ENTREP2: variants seen among roughly 807,000 people sequenced by gnomAD.
The protein encoded by ENTREP2 is protein ENTREP2.
the ENTREP2 span, among the ~76,000 whole-genome samples, chr15:29,566,444 G>A: frequency 1.3e-5 from 2 of 150,636 alleles, no homozygotes; most frequent in Admixed American, 1.3e-4. Context: ...GATTACAGGC[G>A]TGACCCACCG....
At chr15:29,643,549 G>A in the ENTREP2 span, among the ~76,000 whole-genome samples, 1 of 152,128 alleles carries the variant, frequency 6.6e-6, no homozygotes, top group Non-Finnish European at 1.5e-5. Flanking sequence ...TTGGGAGGCG[G>A]AAGCAGGTGG....
chr15:29,129,046 C>A, the ENTREP2 span, among the ~76,000 whole-genome samples: 1 of 152,168 alleles, frequency 6.6e-6, no homozygotes, highest in African/African-American at 2.4e-5. Flanking sequence ...GTTGCCCTTG[C>A]CAAGGCCAAA....
chr15:29,352,190 C>A, the ENTREP2 span, among the ~76,000 whole-genome samples: 56 of 152,108 alleles, frequency 3.7e-4, 1 homozygote, highest in African/African-American at 1.3e-3. Flanking sequence ...CTGCCTTGGC[C>A]TCCCAAAGCA....
chr15:29,508,815 G>A, the ENTREP2 span, among the ~76,000 whole-genome samples: 12 of 152,248 alleles, frequency 7.9e-5, no homozygotes, highest in South Asian at 2.1e-4. Flanking sequence ...GGCAAAAGCC[G>A]GAAGCATTCC....
chr15:29,289,548 A>T, the ENTREP2 span, among the ~76,000 whole-genome samples: 1 of 152,118 alleles, frequency 6.6e-6, no homozygotes, highest in Non-Finnish European at 1.5e-5. Flanking sequence ...AGAGTGCACA[A>T]AAAGATTTGA....
the ENTREP2 span, among the ~76,000 whole-genome samples, chr15:29,210,241 AACTGGGGGCTAC>A: frequency 1.3e-5 from 2 of 152,164 alleles, no homozygotes; most frequent in African/African-American, 4.8e-5. Context: ...GGTACTAGAC[AACTGGGGGCTAC>A]TCCTACAGCC....
chr15:29,181,840 A>G, the ENTREP2 span, among the ~76,000 whole-genome samples: 1 of 152,210 alleles, frequency 6.6e-6, no homozygotes, highest in African/African-American at 2.4e-5. Context: ...TCTGGCAAAT[A>G]ATATTTAGTA....
the ENTREP2 span, among the ~76,000 whole-genome samples, chr15:29,657,370 T>C: frequency 4.0e-5 from 6 of 148,986 alleles, no homozygotes; most frequent in Admixed American, 6.9e-5. Context: ...TTACAGTTCT[T>C]ACAAATGGCA....
chr15:29,576,225 T>C, the ENTREP2 span, among the ~76,000 whole-genome samples: 1 of 152,218 alleles, frequency 6.6e-6, no homozygotes, highest in Non-Finnish European at 1.5e-5. Context: ...GTTCATTCAA[T>C]GGGAGAAAGA....
the ENTREP2 span, among the ~76,000 whole-genome samples, chr15:29,447,104 A>T: frequency 4.6e-5 from 7 of 152,230 alleles, no homozygotes; most frequent in African/African-American, 1.4e-4. Flanking sequence ...GCCAACCACA[A>T]ATTCTTACAG....
chr15:29,530,857 G>A, the ENTREP2 span, among the ~76,000 whole-genome samples: 1 of 152,314 alleles, frequency 6.6e-6, no homozygotes, highest in Admixed American at 6.5e-5. Context: ...ATCTGACAGA[G>A]TTCCAACCAC....
the ENTREP2 span, among the ~76,000 whole-genome samples, chr15:29,599,797 A>G: frequency 1.3e-5 from 2 of 152,332 alleles, no homozygotes; most frequent in African/African-American, 4.8e-5. Flanking sequence ...CTTCATATTA[A>G]GCCAAGATTT....
the ENTREP2 span, among the ~76,000 whole-genome samples, chr15:29,396,567 G>T: frequency 8.5e-5 from 13 of 152,230 alleles, no homozygotes; most frequent in Middle Eastern, 0.01. Context: ...TGGGTTGCCT[G>T]TTTACTCTCT....
At chr15:29,477,414 G>C in the ENTREP2 span, among the ~76,000 whole-genome samples, 1 of 113,614 alleles carries the variant, frequency 8.8e-6, no homozygotes, top group Non-Finnish European at 1.8e-5. Context: ...TCAACAAAAA[G>C]TGCAAAAAAA....
the ENTREP2 span, among the ~76,000 whole-genome samples, chr15:29,657,594 A>G: frequency 6.6e-6 from 1 of 151,116 alleles, no homozygotes; most frequent in East Asian, 1.9e-4. Context: ...CTACTTTTAG[A>G]ATCCTGCTGA....
At chr15:29,149,910 G>A in the ENTREP2 span, among the ~76,000 whole-genome samples, 1 of 152,210 alleles carries the variant, frequency 6.6e-6, no homozygotes, top group Non-Finnish European at 1.5e-5. Flanking sequence ...CAGGGTGTGA[G>A]GCAAACTCAC....
At chr15:29,309,714 G>A in the ENTREP2 span, among the ~76,000 whole-genome samples, 13,471 of 151,280 alleles carry the variant, frequency 0.089, 684 homozygotes, top group Admixed American at 0.13. Context: ...ACTCGAACCC[G>A]GGAGGCAGAG....
chr15:29,462,451 A>T, the ENTREP2 span, among the ~76,000 whole-genome samples: 1 of 152,030 alleles, frequency 6.6e-6, no homozygotes, highest in Non-Finnish European at 1.5e-5. Context: ...TCTACTAAAA[A>T]TACAAAAAAT....
chr15:29,238,752 A>C, the ENTREP2 span, among the ~76,000 whole-genome samples: 2 of 152,174 alleles, frequency 1.3e-5, no homozygotes, highest in East Asian at 3.9e-4. Context: ...AGGTGAAGGG[A>C]AGCAGGCACG....
Sources: allele counts gnomAD v4.1 joint callset (sites outside exome capture counted in the v4.1 genomes callset), GRCh38; gene constraint gnomAD v4.1.1; transcripts MANE v1.5; gene names NCBI Gene and HGNC (gene_info 2026-07-23, HGNC 2026-07-21).